HECW2: variants seen among roughly 807,000 people sequenced by gnomAD.
The protein encoded by HECW2 is E3 ubiquitin-protein ligase HECW2.
A neutral mutation model predicts 175.2 loss-of-function variants in HECW2; 61 were observed. The observed-to-expected ratio is 0.35, with a 90% CI of 0.28 to 0.43. The LOEUF is 0.43. Ranked by LOEUF, HECW2 falls within the 20% of genes least tolerant of loss-of-function variation. The probability of loss-of-function intolerance (pLI) is 1.00; values close to 1 mark genes in which losing one functional copy is unlikely to be tolerated. For synonymous variants in HECW2, 671 were observed against 731.0 expected, an observed-to-expected ratio of 0.92 and a Z score of 1.32; for missense variants, 1,524 against 2,000.5, an observed-to-expected ratio of 0.76 and a Z score of 4.54.
chr2:196,528,128 G>A (rs7566600), intron 1 of HECW2, among the ~76,000 whole-genome samples: 1,770 of 152,184 alleles, frequency 0.012, 30 homozygotes, highest in African/African-American at 0.04. Context: ...TTTGATTAGA[G>A]TTCCCATATT....
intron 21 of HECW2, among the ~76,000 whole-genome samples, chr2:196,231,474 C>T (rs1352484858): frequency 6.6e-6 from 1 of 152,126 alleles, no homozygotes; most frequent in African/African-American, 2.4e-5. Context: ...TCCAATCTGC[C>T]CCACCCTCTG....
rs550692139 is a variant in HECW2, at chr2:196,261,935, T to C, written c.3336-4029A>G. 3.3e-5 allele frequency among the ~76,000 whole-genome samples: 5 copies of C among 152,340 alleles called. No individual in the cohort carries two copies. In the East Asian group the frequency reaches 9.6e-4, roughly 29 times the overall value. On this transcript the variant is annotated intron_variant, in intron 17 of 28. Coordinates refer to ENST00000644978, the MANE Select transcript of HECW2 (RefSeq NM_001348768.2). ...AGTCCACCCAGCGTTTGGAATAACATAACAAGTTTGAGAAATGTTGTTAAA... is the reference window on the plus strand; with the variant it reads ...AGTCCACCCAGCGTTTGGAATAACACAACAAGTTTGAGAAATGTTGTTAAA...
chr2:196,491,497 TATATAC>T (rs1229506304), intron 1 of HECW2, among the ~76,000 whole-genome samples: 3 of 121,970 alleles, frequency 2.5e-5, no homozygotes, highest in Non-Finnish European at 4.8e-5. Context: ...CACATATATA[TATATAC>T]ACACACACAC....
chr2:196,363,965 C>A (rs1693674547), intron 2 of HECW2, among the ~76,000 whole-genome samples: 1 of 152,166 alleles, frequency 6.6e-6, no homozygotes, highest in African/African-American at 2.4e-5. Flanking sequence ...CTGTTTTTAT[C>A]CCCAGGCAGG....
At chr2:196,336,575 T>TC (rs1359929324) in intron 3 of HECW2, among the ~76,000 whole-genome samples, 8 of 152,252 alleles carry the variant, frequency 5.3e-5, no homozygotes, top group African/African-American at 1.9e-4. Context: ...TAACTCTGTC[T>TC]CAAGTTAGGA....
intron 1 of HECW2, among the ~76,000 whole-genome samples, chr2:196,451,104 C>T (rs1036160002): frequency 6.6e-6 from 1 of 151,962 alleles, no homozygotes; most frequent in Non-Finnish European, 1.5e-5. Context: ...TTACATTCAA[C>T]AAGCTGAAAG....
intron 2 of HECW2, among the ~76,000 whole-genome samples, chr2:196,377,084 C>A (rs1694072698): frequency 6.6e-6 from 1 of 152,088 alleles, no homozygotes; most frequent in African/African-American, 2.4e-5. Flanking sequence ...ATTTTAATAA[C>A]ATTAATTCCT....
intron 10 of HECW2, chr2:196,316,203 A>T (rs1414897775): frequency 6.6e-6 from 1 of 152,228 alleles, no homozygotes; most frequent in African/African-American, 2.4e-5. Context: ...GCCCTTAGTT[A>T]TCCAAATAAA....
At chr2:196,341,775 C>T (rs757061606) in intron 3 of HECW2, among the ~76,000 whole-genome samples, 13 of 152,146 alleles carry the variant, frequency 8.5e-5, no homozygotes, top group Non-Finnish European at 1.6e-4. Context: ...TCTTATGGGG[C>T]AGAAGCAGGA....
At chr2:196,458,926 T>C (rs1696627544) in intron 1 of HECW2, among the ~76,000 whole-genome samples, 1 of 152,168 alleles carries the variant, frequency 6.6e-6, no homozygotes, top group Non-Finnish European at 1.5e-5. Flanking sequence ...TATGTTCACA[T>C]GACTAATTAA....
chr2:196,256,166 TAC>T (rs1481848593), intron 18 of HECW2, among the ~76,000 whole-genome samples: 1 of 152,220 alleles, frequency 6.6e-6, no homozygotes, highest in Non-Finnish European at 1.5e-5. Flanking sequence ...GTACATATAA[TAC>T]ATTGTGTTGT....
At chr2:196,240,891 G>T (rs867304556) in intron 20 of HECW2, among the ~76,000 whole-genome samples, 1 of 151,802 alleles carries the variant, frequency 6.6e-6, no homozygotes, top group South Asian at 2.1e-4. Flanking sequence ...ACCGCCCCCC[G>T]CCCATACATT....
chr2:196,475,237 G>A (rs971245921), intron 1 of HECW2, among the ~76,000 whole-genome samples: 1 of 151,882 alleles, frequency 6.6e-6, no homozygotes, highest in Non-Finnish European at 1.5e-5. Flanking sequence ...CCAGATCGGA[G>A]AGTTCCCAAA....
intron 2 of HECW2, among the ~76,000 whole-genome samples, chr2:196,384,530 C>T (rs1339819104): frequency 3.3e-5 from 5 of 151,998 alleles, no homozygotes; most frequent in African/African-American, 4.8e-5. Flanking sequence ...TGCAGTGAGC[C>T]GAGACAGCAC....
chr2:196,562,793 C>A (rs1388668667), intron 1 of HECW2, among the ~76,000 whole-genome samples: 1 of 152,138 alleles, frequency 6.6e-6, no homozygotes, highest in Non-Finnish European at 1.5e-5. Flanking sequence ...TCTGTAATCC[C>A]AGCACTTTGG....
intron 2 of HECW2, among the ~76,000 whole-genome samples, chr2:196,348,013 T>C (rs1693022718): frequency 6.6e-6 from 1 of 152,248 alleles, no homozygotes; most frequent in Non-Finnish European, 1.5e-5. Flanking sequence ...CCACTGCTCC[T>C]ACTGTGGCTA....
At chr2:196,208,143 C>T (rs1223896855) in intron 28 of HECW2, among the ~76,000 whole-genome samples, 1 of 152,176 alleles carries the variant, frequency 6.6e-6, no homozygotes, top group African/African-American at 2.4e-5. Flanking sequence ...GCCCTGAAGG[C>T]TAGATATTAG....
chr2:196,421,087 C>T (rs1695395706), intron 2 of HECW2, among the ~76,000 whole-genome samples: 1 of 151,836 alleles, frequency 6.6e-6, no homozygotes, highest in South Asian at 2.1e-4. Context: ...AAATTCCAAG[C>T]AAATATGCTC....
intron 28 of HECW2, among the ~76,000 whole-genome samples, chr2:196,215,613 T>C (rs1687449943): frequency 1.3e-5 from 2 of 152,222 alleles, no homozygotes; most frequent in South Asian, 4.1e-4. Context: ...CCAACGTCGC[T>C]TTACTGATGC....
Sources: allele counts gnomAD v4.1 joint callset (sites outside exome capture counted in the v4.1 genomes callset), GRCh38; gene constraint gnomAD v4.1.1; transcripts MANE v1.5; gene names NCBI Gene and HGNC (gene_info 2026-07-23, HGNC 2026-07-21).